Variants in MAP4 observed in about 807,000 individuals in gnomAD.
The protein encoded by MAP4 is microtubule associated protein 4.
Under a neutral mutation model 170.2 loss-of-function variants are expected in MAP4, and 76 were observed. The ratio of observed to expected loss-of-function variants is 0.45; its 90% CI spans 0.37 to 0.54. The LOEUF is 0.54. MAP4 is among the 20% of genes least tolerant of loss of function. The pLI, the probability that MAP4 is intolerant of heterozygous loss-of-function variation, is 0.00. For synonymous variants in MAP4, 909 were observed against 994.5 expected (o/e 0.91, Z 1.62); for missense variants, 2,506 against 2,748.0 (o/e 0.91, Z 1.97).
upstream of MAP4, among the ~76,000 whole-genome samples, chr3:48,017,656 T>G (rs974186784): frequency 2.8e-4 from 42 of 152,228 alleles, no homozygotes; most frequent in African/African-American, 9.6e-4. Flanking sequence ...CACCCTATGC[T>G]CATTTGCTCT....
Position 47,855,385 on chromosome 3 carries a change from C to T in MAP4, c.6584-25G>A. ...CCTGGAACCACAAAGGAACTGGTCA[C>T]CTAGGGTGGCAGAGGAATATCCCTG... On this transcript the variant is annotated intron_variant, in intron 18 of 20. Coordinates refer to ENST00000683076, the MANE Select transcript of MAP4 (RefSeq NM_001385682.1). This position sits in a 1 kb window ranked among gnomAD's most constrained non-coding sequence, Gnocchi z 5.1. 1 of 1,439,372 alleles carries T rather than the reference C, an allele frequency of 6.9e-7. No individual in the cohort carries two copies. Among genetic ancestry groups the T allele is most frequent in the South Asian group, 1.1e-5 (1 of 87,516 alleles). The allele number at this position is 1,439,372 out of a possible 1,614,324, so 89.2% of individuals were successfully genotyped here.
chr3:47,937,767 T>G (rs1367146914), intron 3 of MAP4, among the ~76,000 whole-genome samples: 1 of 150,250 alleles, frequency 6.7e-6, no homozygotes, highest in African/African-American at 2.4e-5. Context: ...GTTCAAGCGA[T>G]TCTCCTGCCT....
chr3:47,900,717 C>T (rs1036000424), intron 10 of MAP4, among the ~76,000 whole-genome samples: 1 of 152,136 alleles, frequency 6.6e-6, no homozygotes, highest in Non-Finnish European at 1.5e-5. Flanking sequence ...GCCTGGGCTA[C>T]AGAGGGAGAC....
chr3:47,910,355 C>T lies in MAP4; in HGVS notation c.4066G>A (p.Ala1356Thr). 1 of 1,539,366 alleles carries T rather than the reference C, an allele frequency of 6.5e-7. No individual in the cohort carries two copies. The highest frequency in any genetic ancestry group is 8.7e-7 in the Non-Finnish European group (1 of 1,147,746). The change falls in exon 9 of 21, where the codon GCT (alanine) becomes ACT (threonine). Residue 1356 changes from alanine to threonine, a missense_variant. Transcript: ENST00000683076. ...TDAANRYTAV[A>T]DKPSKRSNDG... Reference sequence around the variant, plus strand: ...TTACTCCTTTTACTTGGTTTGTCAGCCACTGCAGTGTATCTATTGGCTGCA... The same window carrying T: ...TTACTCCTTTTACTTGGTTTGTCAGTCACTGCAGTGTATCTATTGGCTGCA...
In MAP4 at chr3:47,857,497, T is replaced by C; in HGVS notation, c.6517A>G (p.Lys2173Glu). ...PGGGNVQIQN[K>E]KVDISKVSSK... ...GAGACCTTAGAGATGTCCACTTTCT[T>C]GTTCTGAATCTGAACCTGAAGAGAA... Residue 2173 changes from lysine (K) to glutamate (E), a missense_variant, in exon 18 of 21, where the codon AAG becomes GAG. This residue lies in a region of MAP4 where 487 missense variants were observed against 511.6 expected (regional missense o/e 0.95). Coordinates refer to ENST00000683076, the MANE Select transcript of MAP4 (RefSeq NM_001385682.1). 2 of 1,613,010 alleles carry C rather than the reference T, an allele frequency of 1.2e-6. No individual in the cohort carries two copies. Among genetic ancestry groups the C allele is most frequent in the Admixed American group, 1.7e-5 (1 of 59,976 alleles).
rs763967460 is a variant in MAP4 at position 47,916,594 on chromosome 3, T to C, written c.1233A>G (p.Val411=). The part of the protein sequence containing the change: ...ENKIVPAKDL[V]LLSEIEVAQA... ...GTGCCACCTCTATTTCTGAGAGTAATACCAAATCCTTGGCTGGGACTATCT... is the reference window on the plus strand; with the variant it reads ...GTGCCACCTCTATTTCTGAGAGTAACACCAAATCCTTGGCTGGGACTATCT... Residue 411 remains valine (V), a synonymous_variant, in exon 7 of 21, where the codon GTA becomes GTG. Coordinates refer to ENST00000683076, the MANE Select transcript of MAP4 (RefSeq NM_001385682.1). 55 of 1,614,130 alleles carry C rather than the reference T, an allele frequency of 3.4e-5. No individual in the cohort carries two copies. Among genetic ancestry groups the C allele is most frequent in the Non-Finnish European group, 5.9e-6 (7 of 1,180,048 alleles).
intron 3 of MAP4, among the ~76,000 whole-genome samples, chr3:47,946,098 C>A (rs1027331575): frequency 4.7e-5 from 7 of 150,352 alleles, no homozygotes; most frequent in African/African-American, 1.7e-4. Flanking sequence ...CCATGCTTGG[C>A]TAATTTTTTT....
chr3:47,893,594 G>GA (rs1391510212), intron 10 of MAP4, among the ~76,000 whole-genome samples: 13 of 152,106 alleles, frequency 8.5e-5, no homozygotes, highest in Middle Eastern at 6.8e-3. Context: ...AAAACTGTGA[G>GA]AAAAAAATTA....
chr3:47,887,793 G>A (rs1030104775), intron 10 of MAP4, among the ~76,000 whole-genome samples: 29 of 152,096 alleles, frequency 1.9e-4, no homozygotes, highest in Admixed American at 4.6e-4. Flanking sequence ...GTATCTAGCT[G>A]CTCTGGTGGG....
intron 9 of MAP4, among the ~76,000 whole-genome samples, chr3:47,905,956 T>C (rs2100032734): frequency 6.6e-6 from 1 of 151,918 alleles, no homozygotes; most frequent in Admixed American, 6.6e-5. Flanking sequence ...ATCGTGCCAT[T>C]GCACTCCAGC....
In MAP4 at chr3:47,882,845, C is replaced by T. The variant is rs1224673304; in HGVS notation, c.5435-5322G>A. Among the ~76,000 whole-genome samples, 5 of 152,166 alleles carry T rather than the reference C, an allele frequency of 3.3e-5. No homozygotes were observed. In the Middle Eastern group the frequency reaches 0.01, roughly 311 times the overall value. ...TTTTAAAGACAGAGTCTCACTCTGT[C>T]GTCCAGGTTGGAGTGTAGTGGCACA... On this transcript the variant is annotated intron_variant, in intron 10 of 20. Transcript: ENST00000683076.
chr3:48,075,924 G>A (rs576472261), intron 1 of MAP4, among the ~76,000 whole-genome samples: 9 of 143,942 alleles, frequency 6.3e-5, no homozygotes, highest in African/African-American at 1.8e-4. Flanking sequence ...GCAGTGAGCC[G>A]AGATCACGTC....
At chr3:47,884,316 T>A (rs1023696799) in intron 10 of MAP4, among the ~76,000 whole-genome samples, 1 of 152,218 alleles carries the variant, frequency 6.6e-6, no homozygotes, top group African/African-American at 2.4e-5. Flanking sequence ...ATTTTTCATA[T>A]TGACAATTAA....
chr3:47,869,426 G>C (rs1222003528), intron 15 of MAP4, 99 bp from the exon 16 acceptor site: 4 of 777,544 alleles, frequency 5.1e-6, no homozygotes, highest in Non-Finnish European at 9.0e-6. Flanking sequence ...ATCCAGGTCA[G>C]GCCACCAGGC....
chr3:47,949,465 CAAAAAAAAAAAAAAA>C (rs60076214), intron 3 of MAP4, among the ~76,000 whole-genome samples: 24 of 70,936 alleles, frequency 3.4e-4, no homozygotes, highest in Middle Eastern at 9.3e-3. Context: ...GACTGCGTCC[CAAAAAAAAAAAAAAA>C]AAAAAAAAAG....
intron 1 of MAP4, among the ~76,000 whole-genome samples, chr3:48,032,502 CAA>C (rs1223511965): frequency 8.4e-6 from 1 of 119,394 alleles, no homozygotes; most frequent in Non-Finnish European, 1.8e-5. Flanking sequence ...GACTCCGTCT[CAA>C]AAAAAAAAAA....
rs57751818 is a variant in MAP4 at position 47,862,346 on chromosome 3, CAAAAAAAAAAAAAAAAA to C, written c.6502-4851_6502-4835del. ...TGAGGGACAGAGCGAGACTGTGTCT[CAAAAAAAAAAAAAAAAA>C]AAAAAAAAAAAAGAATGGAGTGGGG... On this transcript the variant is annotated intron_variant, in intron 17 of 20. Coordinates refer to ENST00000683076, the MANE Select transcript of MAP4 (RefSeq NM_001385682.1). 8.6e-4 allele frequency among the ~76,000 whole-genome samples: 45 copies of C among 52,374 alleles called. 1 individual carries two copies. Among genetic ancestry groups the C allele is most frequent in the African/African-American group, 2.3e-3 (42 of 18,664 alleles). 34.4% of individuals were successfully genotyped at this position (52,374 alleles called of 152,430 possible). A position where few individuals can be genotyped will look rare whatever the true frequency, so the allele number is the denominator to read the frequency against.
intron 2 of MAP4, among the ~76,000 whole-genome samples, chr3:47,982,636 G>A (rs962435345): frequency 5.9e-5 from 9 of 152,092 alleles, no homozygotes; most frequent in African/African-American, 1.4e-4. Flanking sequence ...AGAATTCTGA[G>A]TATGTGACCA....
At chr3:47,892,598 C>A in intron 10 of MAP4, 1 of 1,425,232 alleles carries the variant, frequency 7.0e-7, no homozygotes, top group Non-Finnish European at 9.1e-7. Flanking sequence ...GTATTCATGA[C>A]AAAATTCATC....
Sources: gnomAD v4.1 joint callset for allele counts (sites outside exome capture counted in the v4.1 genomes callset) on GRCh38, gnomAD v4.1.1 for gene constraint, gnomAD v4.1.1 regional missense constraint, Gnocchi (gnomAD v3.1) non-coding constraint, MANE v1.5 for transcripts, NCBI Gene and HGNC (gene_info 2026-07-23, HGNC 2026-07-21) for gene names.